Variants in VPS53 observed in about 807,000 individuals in gnomAD.
The protein encoded by VPS53 is VPS53 subunit of GARP complex, also known as vacuolar protein sorting-associated protein 53 homolog.
Under a neutral mutation model 107.0 loss-of-function variants are expected in VPS53, and 70 were observed. That is an observed-to-expected ratio of 0.65 (90% CI 0.54 to 0.80). The LOEUF is 0.80. VPS53 is among the 30% of genes least tolerant of loss of function. VPS53 has a pLI of 0.00. For missense variants in VPS53, 917 were observed against 1,049.4 expected (o/e 0.87, Z 1.74); for synonymous variants, 409 against 393.3 (o/e 1.04, Z -0.47).
chr17:634,453 C>A (rs540414039), intron 7 of VPS53, among the ~76,000 whole-genome samples: 1 of 151,746 alleles, frequency 6.6e-6, no homozygotes, highest in Admixed American at 6.6e-5. Context: ...TGTGCAGGTT[C>A]GTTACATATG....
intron 18 of VPS53, among the ~76,000 whole-genome samples, chr17:535,830 A>T (rs1030044920): frequency 6.6e-5 from 10 of 152,174 alleles, no homozygotes; most frequent in Non-Finnish European, 1.3e-4. Flanking sequence ...AGTAAAGCTG[A>T]CACCACAAGC....
intron 13 of VPS53, among the ~76,000 whole-genome samples, chr17:578,095 C>G (rs1914797494): frequency 6.6e-6 from 1 of 151,860 alleles, no homozygotes; most frequent in Admixed American, 6.6e-5. Context: ...CAACCTCCCT[C>G]AGAACCTCAC....
intron 13 of VPS53, among the ~76,000 whole-genome samples, chr17:580,734 T>A (rs1357026079): frequency 1.4e-5 from 2 of 141,494 alleles, no homozygotes; most frequent in East Asian, 4.3e-4. Context: ...CGCAGAGAAA[T>A]TCCCTCAGAA....
rs540104321 is a variant in VPS53, at chr17:648,721, A to ACAGGC, written c.608+4565_608+4569dup. The stretch of plus-strand genomic sequence containing the variant: ...TTACACTGGAGGACAGAGGAATGGA[A>ACAGGC]CAGGCACTGAAGATCTTACACTATA... On this transcript the variant is annotated intron_variant, in intron 7 of 21. Transcript: ENST00000437048. Among the ~76,000 whole-genome samples the ACAGGC allele has an allele frequency of 1.0e-3, 152 of 151,280 alleles. 1 individual carries two copies. The highest frequency in any genetic ancestry group is 3.6e-3 in the African/African-American group (149 of 41,214).
intron 17 of VPS53, chr17:551,592 C>A (rs1004117744): frequency 5.3e-6 from 1 of 187,602 alleles, no homozygotes; most frequent in African/African-American, 2.3e-5. Flanking sequence ...AAACCACAGA[C>A]AACATCTCCT....
intron 4 of VPS53, chr17:674,994 A>T (rs757564452): frequency 1.4e-4 from 22 of 152,240 alleles, no homozygotes; most frequent in Non-Finnish European, 2.8e-4. Context: ...TTGCAAGGTA[A>T]ACATTTATAG....
intron 2 of VPS53, 24 bp downstream of exon 2, chr17:710,509 A>T: frequency 1.9e-6 from 3 of 1,596,032 alleles, no homozygotes; most frequent in Non-Finnish European, 2.6e-6. Flanking sequence ...TGCTGAAAGG[A>T]AGGAAACCTG....
intron 7 of VPS53, among the ~76,000 whole-genome samples, chr17:644,587 AT>A (rs140406424): frequency 0.071 from 9,351 of 131,084 alleles, 721 homozygotes; most frequent in African/African-American, 0.19. Flanking sequence ...TTTTAGTGTT[AT>A]TTTTTTTTTT....
intron 4 of VPS53, among the ~76,000 whole-genome samples, chr17:663,017 G>A (rs976562438): frequency 6.6e-6 from 1 of 151,792 alleles, no homozygotes; most frequent in Admixed American, 6.6e-5. Context: ...ACTAGCCTGG[G>A]GAACATGGCA....
At chr17:669,592 T>TAAAAAAAAAAAAAGAAA (rs1971850489) in intron 4 of VPS53, among the ~76,000 whole-genome samples, 1 of 110,234 alleles carries the variant, frequency 9.1e-6, no homozygotes, top group Non-Finnish European at 1.9e-5. Context: ...TACTCTGTCT[T>TAAAAAAAAAAAAAGAAA]AAAAAAAAAA....
At chr17:686,227 G>A (rs759465148) in intron 4 of VPS53, among the ~76,000 whole-genome samples, 4 of 152,070 alleles carry the variant, frequency 2.6e-5, no homozygotes, top group Non-Finnish European at 5.9e-5. Context: ...GGCTGAGGTG[G>A]AAGGATCACG....
In VPS53 at chr17:714,836, T is replaced by TGTCAGCCGCTCC. The variant is rs1444124151; in HGVS notation, c.-128_-127insGGAGCGGCTGAC. 18 of 1,038,338 alleles carry TGTCAGCCGCTCC rather than the reference T, an allele frequency of 1.7e-5. No homozygotes were observed. The highest frequency in any genetic ancestry group is 2.5e-4 in the Middle Eastern group (1 of 3,976). 64.3% of individuals were successfully genotyped at this position (1,038,338 alleles called of 1,614,324 possible). A position where few individuals can be genotyped will look rare whatever the true frequency, so the allele number is the denominator to read the frequency against. ...GTGAGCCCGGCTCCGTCAGCCGCTC[T>TGTCAGCCGCTCC]GTCAGCCGCTCCGGCACTTCCGGCA... is the stretch of plus-strand genomic sequence containing the variant. On this transcript the variant is annotated 5_prime_UTR_variant, in exon 1 of 22. Transcript: ENST00000437048.
chr17:662,853 G>GGAAGGAACGAAGGAAC (rs1971520901), intron 4 of VPS53, among the ~76,000 whole-genome samples: 1 of 90,442 alleles, frequency 1.1e-5, no homozygotes, highest in Admixed American at 1.3e-4. Flanking sequence ...AAGGAAGGAA[G>GGAAGGAACGAAGGAAC]GAAGGAAGGA....
chr17:566,187 G>C (rs1320822643), intron 13 of VPS53, among the ~76,000 whole-genome samples: 2 of 141,040 alleles, frequency 1.4e-5, no homozygotes, highest in Admixed American at 7.2e-5. Flanking sequence ...CTGGGCGACA[G>C]AGCGAGACTC....
At chr17:667,803 G>A (rs949282121) in intron 4 of VPS53, among the ~76,000 whole-genome samples, 4 of 152,164 alleles carry the variant, frequency 2.6e-5, no homozygotes, top group Admixed American at 1.3e-4. Flanking sequence ...AGCAGGAGGT[G>A]AGCGGTGGGC....
intron 7 of VPS53, among the ~76,000 whole-genome samples, chr17:651,774 G>A (rs756262984): frequency 1.3e-5 from 2 of 152,100 alleles, no homozygotes; most frequent in Non-Finnish European, 2.9e-5. Context: ...CAATTGTGAC[G>A]GTCTCTGCCT....
intron 19 of VPS53, among the ~76,000 whole-genome samples, chr17:526,677 T>TA (rs1909148610): frequency 6.6e-6 from 1 of 152,270 alleles, no homozygotes; most frequent in African/African-American, 2.4e-5. Flanking sequence ...GCCTCAGCGA[T>TA]AATTTCTGGG....
chr17:605,753 G>C (rs918947968), intron 11 of VPS53, among the ~76,000 whole-genome samples: 4 of 148,680 alleles, frequency 2.7e-5, no homozygotes, highest in African/African-American at 1.0e-4. Flanking sequence ...CCTGGGGTAA[G>C]AGGGGTGGCA....
At position 611,816 on chromosome 17, in the gene VPS53, AT is replaced by A. The variant is rs532118395; in HGVS notation, c.1117-9921del. On this transcript the variant is annotated intron_variant, in intron 11 of 21. Transcript: ENST00000437048. ...AACCTGCACAGATATTCACAGCAGTATTCAAATAGTGAATTCACACAGTGAA... is the reference window on the plus strand; with the variant it reads ...AACCTGCACAGATATTCACAGCAGTATCAAATAGTGAATTCACACAGTGAA... 5.1e-4 allele frequency among the ~76,000 whole-genome samples: 78 copies of A among 152,356 alleles called. 1 individual carries two copies. The East Asian group carries it at 0.014, about 28-fold the overall frequency.
Sources: gnomAD v4.1 joint callset for allele counts (sites outside exome capture counted in the v4.1 genomes callset) on GRCh38, gnomAD v4.1.1 for gene constraint, MANE v1.5 for transcripts, NCBI Gene and HGNC (gene_info 2026-07-23, HGNC 2026-07-21) for gene names.